MSRA: variants seen among roughly 807,000 people sequenced by gnomAD.
MSRA encodes mitochondrial peptide methionine sulfoxide reductase.
MSRA carries 54 observed loss-of-function variants against 31.3 expected under a neutral mutation model. That is an observed-to-expected ratio of 1.73 (90% CI 1.39 to 2.17). MSRA has a LOEUF of 2.17. Among genes scored for constraint, MSRA ranks in the 30% most tolerant of loss-of-function variants. The pLI, the probability that MSRA is intolerant of heterozygous loss-of-function variation, is 0.00. For missense variants in MSRA, 507 were observed against 300.9 expected, an observed-to-expected ratio of 1.69 and a Z score of -5.07; for synonymous variants, 169 against 116.5, an observed-to-expected ratio of 1.45 and a Z score of -2.90.
chr8:10,221,102 G>A (rs67943945), intron 2 of MSRA, among the ~76,000 whole-genome samples: 3 of 152,146 alleles, frequency 2.0e-5, no homozygotes, highest in African/African-American at 4.8e-5. Flanking sequence ...CATGGAGTCT[G>A]TGTGGGGCTC....
At chr8:10,055,994 A>G (rs1270268054) in intron 1 of MSRA, among the ~76,000 whole-genome samples, 1 of 152,106 alleles carries the variant, frequency 6.6e-6, no homozygotes, top group Non-Finnish European at 1.5e-5. Flanking sequence ...ATTAGTAAAC[A>G]TCTATACTTA....
intron 1 of MSRA, among the ~76,000 whole-genome samples, chr8:10,065,687 T>C (rs896730324): frequency 2.0e-5 from 3 of 152,250 alleles, no homozygotes; most frequent in Non-Finnish European, 4.4e-5. Context: ...TAAGGAGATT[T>C]ATGAAAGAGC....
intron 5 of MSRA, among the ~76,000 whole-genome samples, chr8:10,325,681 G>T (rs4577961): frequency 6.6e-6 from 1 of 152,054 alleles, no homozygotes; most frequent in East Asian, 1.9e-4. Flanking sequence ...CTTTGATACC[G>T]TAAAGAGGTT....
At chr8:10,363,040 C>G in intron 5 of MSRA, among the ~76,000 whole-genome samples, 1 of 152,336 alleles carries the variant, frequency 6.6e-6, no homozygotes, top group South Asian at 2.1e-4. Flanking sequence ...CAGTGACCCT[C>G]GCCAGCCTCA....
chr8:10,374,943 CCT>C (rs1351223192), intron 5 of MSRA, among the ~76,000 whole-genome samples: 2 of 152,116 alleles, frequency 1.3e-5, no homozygotes, highest in Non-Finnish European at 2.9e-5. Flanking sequence ...GGACCCTCCT[CCT>C]CTCTCTCTTG....
chr8:10,101,790 A>T (rs1439399868), intron 1 of MSRA, among the ~76,000 whole-genome samples: 6 of 152,218 alleles, frequency 3.9e-5, no homozygotes, highest in Non-Finnish European at 8.8e-5. Context: ...TTCATCTGCC[A>T]GTGGAAACTT....
chr8:10,203,660 A>C (rs1808696504), intron 1 of MSRA, among the ~76,000 whole-genome samples: 1 of 152,256 alleles, frequency 6.6e-6, no homozygotes, highest in African/African-American at 2.4e-5. Flanking sequence ...TAATCATCAT[A>C]AACAATGATG....
intron 1 of MSRA, among the ~76,000 whole-genome samples, chr8:10,188,229 T>A (rs896521361): frequency 6.6e-6 from 1 of 152,200 alleles, no homozygotes; most frequent in Non-Finnish European, 1.5e-5. Context: ...CAGATCTTAT[T>A]TGGATTTCAC....
intron 1 of MSRA, among the ~76,000 whole-genome samples, chr8:10,072,344 C>G (rs1210196735): frequency 6.6e-6 from 1 of 150,526 alleles, no homozygotes; most frequent in Non-Finnish European, 1.5e-5. Flanking sequence ...TATTCAGTTA[C>G]TACAGAATAA....
At chr8:10,195,119 A>G (rs1406353608) in intron 1 of MSRA, among the ~76,000 whole-genome samples, 1 of 152,244 alleles carries the variant, frequency 6.6e-6, no homozygotes, top group Non-Finnish European at 1.5e-5. Context: ...TATTTTATGC[A>G]AACTGTTAGG....
intron 1 of MSRA, among the ~76,000 whole-genome samples, chr8:10,094,176 T>C (rs1799002828): frequency 6.6e-6 from 1 of 152,236 alleles, no homozygotes; most frequent in Non-Finnish European, 1.5e-5. Context: ...ACTTGTGATA[T>C]CTCTGTAGCA....
chr8:10,164,741 T>G (rs551696275), intron 1 of MSRA, among the ~76,000 whole-genome samples: 4 of 152,240 alleles, frequency 2.6e-5, no homozygotes, highest in Admixed American at 2.6e-4. Flanking sequence ...TGGGCTGCAC[T>G]TAAAAATCAC....
chr8:10,358,862 G>C (rs1563391239), intron 5 of MSRA, among the ~76,000 whole-genome samples: 1 of 149,100 alleles, frequency 6.7e-6, no homozygotes, highest in Non-Finnish European at 1.5e-5. Flanking sequence ...AAAGTGCTGG[G>C]ATTACAGGCG....
At chr8:10,079,488 A>G (rs1325352548) in intron 1 of MSRA, among the ~76,000 whole-genome samples, 1 of 152,180 alleles carries the variant, frequency 6.6e-6, no homozygotes, top group Non-Finnish European at 1.5e-5. Flanking sequence ...CTCATTAATT[A>G]CAGGAACATC....
At chr8:10,337,854 A>C (rs1360899956) in intron 5 of MSRA, 3 of 700,986 alleles carry the variant, frequency 4.3e-6, no homozygotes, top group Admixed American at 4.0e-5. Context: ...CTGCTAAATC[A>C]GTTTGTAAAG....
chr8:10,353,839 G>T, intron 5 of MSRA: 1 of 243,124 alleles, frequency 4.1e-6, no homozygotes. Context: ...ATTTTACCAT[G>T]TCTTGTGTCA....
chr8:10,356,847 C>T (rs1057130339), intron 5 of MSRA, among the ~76,000 whole-genome samples: 16 of 147,344 alleles, frequency 1.1e-4, no homozygotes, highest in Admixed American at 3.4e-4. Flanking sequence ...CAGATCAACA[C>T]AGCGTGCACG....
chr8:10,104,438 C>A (rs1201297853), intron 1 of MSRA, among the ~76,000 whole-genome samples: 10 of 152,142 alleles, frequency 6.6e-5, no homozygotes, highest in Admixed American at 6.6e-4. Context: ...TAAAACACAT[C>A]ATTCAATACC....
chr8:10,347,741 G>A (rs567107284), intron 5 of MSRA, among the ~76,000 whole-genome samples: 3 of 152,246 alleles, frequency 2.0e-5, no homozygotes, highest in South Asian at 2.1e-4. Flanking sequence ...AAATAATCCC[G>A]TCCATAGTGT....
Sources: allele counts gnomAD v4.1 joint callset (sites outside exome capture counted in the v4.1 genomes callset), GRCh38; gene constraint gnomAD v4.1.1; transcripts MANE v1.5; gene names NCBI Gene and HGNC (gene_info 2026-07-23, HGNC 2026-07-21).